Variants in TAS2R1 observed in about 807,000 individuals in gnomAD.
The protein encoded by TAS2R1 is taste receptor type 2 member 1.
For missense variants in TAS2R1, 370 were observed against 353.4 expected, an observed-to-expected ratio of 1.05 and a Z score of -0.38; for synonymous variants, 141 against 134.2, an observed-to-expected ratio of 1.05 and a Z score of -0.35.
intron 1 of TAS2R1, among the ~76,000 whole-genome samples, chr5:9,702,497 A>G (rs1331105066): frequency 6.6e-6 from 1 of 152,114 alleles, no homozygotes; most frequent in African/African-American, 2.4e-5. Context: ...GGGAAAATCT[A>G]TGTAGATCCT....
chr5:9,716,204 C>G (rs1579797961), upstream of TAS2R1, among the ~76,000 whole-genome samples: 1 of 152,154 alleles, frequency 6.6e-6, no homozygotes, highest in Non-Finnish European at 1.5e-5. Context: ...TGGGGAGGAG[C>G]CTCGGGAAGT....
chr5:9,670,287 T>G (rs1247276091), intron 1 of TAS2R1, among the ~76,000 whole-genome samples: 1 of 152,210 alleles, frequency 6.6e-6, no homozygotes, highest in East Asian at 1.9e-4. Context: ...TTTTTAAGTT[T>G]GGCCTAAAGG....
At chr5:9,807,647 A>G in the TAS2R1 span, among the ~76,000 whole-genome samples, 2 of 152,196 alleles carry the variant, frequency 1.3e-5, no homozygotes, top group Admixed American at 1.3e-4. Context: ...CTATCATTAT[A>G]AGTGAAGTAA....
chr5:9,696,609 G>C (rs952856420), intron 1 of TAS2R1, among the ~76,000 whole-genome samples: 2 of 151,886 alleles, frequency 1.3e-5, no homozygotes, highest in South Asian at 4.2e-4. Context: ...AATAAAAATA[G>C]AATATAAAAA....
At chr5:9,812,611 C>T in the TAS2R1 span, among the ~76,000 whole-genome samples, 1 of 152,128 alleles carries the variant, frequency 6.6e-6, no homozygotes, top group South Asian at 2.1e-4. Flanking sequence ...TAGAGGTTAC[C>T]TGCTGCTCAG....
the TAS2R1 span, among the ~76,000 whole-genome samples, chr5:9,792,527 C>T: frequency 6.6e-6 from 1 of 152,176 alleles, no homozygotes; most frequent in Non-Finnish European, 1.5e-5. Flanking sequence ...GGAAAAATTA[C>T]TTGCACGGCA....
At chr5:9,744,719 A>T in the TAS2R1 span, among the ~76,000 whole-genome samples, 3 of 152,180 alleles carry the variant, frequency 2.0e-5, no homozygotes, top group Non-Finnish European at 4.4e-5. Flanking sequence ...ACTGGTGACT[A>T]TGTGAGGTTA....
the TAS2R1 span, among the ~76,000 whole-genome samples, chr5:9,831,349 C>CA: frequency 8.5e-4 from 128 of 150,346 alleles, 2 homozygotes; most frequent in South Asian, 6.1e-3. Flanking sequence ...TGACTAGAAG[C>CA]AAAAAAAATA....
chr5:9,698,616 A>G (rs568704496), intron 1 of TAS2R1, among the ~76,000 whole-genome samples: 1 of 152,316 alleles, frequency 6.6e-6, no homozygotes, highest in African/African-American at 2.4e-5. Flanking sequence ...GGGAAGGGAA[A>G]TAGCCTCCAG....
At chr5:9,839,851 C>G in the TAS2R1 span, among the ~76,000 whole-genome samples, 1 of 151,746 alleles carries the variant, frequency 6.6e-6, no homozygotes, top group African/African-American at 2.4e-5. Context: ...TTTAACTATT[C>G]TTATCTCAGT....
At chr5:9,819,574 G>T in the TAS2R1 span, among the ~76,000 whole-genome samples, 1 of 152,168 alleles carries the variant, frequency 6.6e-6, no homozygotes, top group African/African-American at 2.4e-5. Flanking sequence ...ATTTCAGCAA[G>T]CTTCCCAGTT....
chr5:9,861,037 G>GGTTTTTTTTTTTTTTTTTTTTTTTTT, the TAS2R1 span, among the ~76,000 whole-genome samples: 17 of 88,626 alleles, frequency 1.9e-4, no homozygotes, highest in African/African-American at 6.8e-4. Context: ...GGAAGATGAG[G>GGTTTTTTTTTTTTTTTTTTTTTTTTT]TTTTTTTTTT....
At chr5:9,792,832 T>C in the TAS2R1 span, among the ~76,000 whole-genome samples, 4 of 152,198 alleles carry the variant, frequency 2.6e-5, no homozygotes, top group African/African-American at 9.6e-5. Context: ...ATGATCTTTC[T>C]TCCTCCACTC....
chr5:9,782,711 TAA>T, the TAS2R1 span, among the ~76,000 whole-genome samples: 1 of 152,330 alleles, frequency 6.6e-6, no homozygotes, highest in Admixed American at 6.5e-5. Flanking sequence ...ATCTGTAGCT[TAA>T]AAACACTTTT....
At chr5:9,718,076 A>C in the TAS2R1 span, among the ~76,000 whole-genome samples, 1 of 151,402 alleles carries the variant, frequency 6.6e-6, no homozygotes, top group Non-Finnish European at 1.5e-5. Context: ...TCTCCTGCCT[A>C]AGCTTCCTGA....
the TAS2R1 span, among the ~76,000 whole-genome samples, chr5:9,848,918 A>G: frequency 6.6e-6 from 1 of 152,332 alleles, no homozygotes; most frequent in African/African-American, 2.4e-5. Flanking sequence ...CCTTCAGGAA[A>G]CCGTCCATGA....
chr5:9,694,157 C>G (rs1310922890), intron 1 of TAS2R1, among the ~76,000 whole-genome samples: 1 of 151,854 alleles, frequency 6.6e-6, no homozygotes, highest in Non-Finnish European at 1.5e-5. Context: ...AGACACAAAC[C>G]AATTACAAAA....
At chr5:9,876,574 T>TG in the TAS2R1 span, among the ~76,000 whole-genome samples, 2 of 152,236 alleles carry the variant, frequency 1.3e-5, no homozygotes, top group African/African-American at 4.8e-5. Context: ...CTGTTTGTAA[T>TG]GAACATTGCC....
At chr5:9,832,159 A>G in the TAS2R1 span, among the ~76,000 whole-genome samples, 1 of 152,238 alleles carries the variant, frequency 6.6e-6, no homozygotes, top group Admixed American at 6.5e-5. Context: ...CATGTTAAAC[A>G]TAAGGATCAA....
Sources: allele counts gnomAD v4.1 joint callset (sites outside exome capture counted in the v4.1 genomes callset), GRCh38; gene constraint gnomAD v4.1.1; transcripts MANE v1.5; gene names NCBI Gene and HGNC (gene_info 2026-07-23, HGNC 2026-07-21).